The following GLIS3 variants were observed in gnomAD, a reference collection of about 807,000 sequenced individuals.
GLIS3 encodes the protein zinc finger protein GLIS3.
GLIS3 carries 53 observed loss-of-function variants against 78.6 expected under a neutral mutation model. The ratio of observed to expected loss-of-function variants is 0.67; its 90% CI spans 0.54 to 0.85. The LOEUF is 0.85. Ranked by LOEUF, GLIS3 falls within the 40% of genes least tolerant of loss-of-function variation. The probability of loss-of-function intolerance (pLI) is 0.00; values close to 1 mark genes in which losing one functional copy is unlikely to be tolerated. For synonymous variants in GLIS3, 684 were observed against 509.9 expected (o/e 1.34, Z -4.60); for missense variants, 1,703 against 1,231.1 (o/e 1.38, Z -5.74).
chr9:4,234,564 G>A (rs1286855741), intron 2 of GLIS3, among the ~76,000 whole-genome samples: 17 of 152,018 alleles, frequency 1.1e-4, no homozygotes, highest in Admixed American at 8.5e-4. Flanking sequence ...ATGGATCTTC[G>A]TAATAGATAT....
At chr9:4,388,699 T>TC in the GLIS3 span, among the ~76,000 whole-genome samples, 1 of 151,366 alleles carries the variant, frequency 6.6e-6, no homozygotes, top group South Asian at 2.1e-4. Flanking sequence ...AAAATAAAAA[T>TC]AAAGTGGACA....
chr9:3,830,453 T>C (rs1270571616), intron 9 of GLIS3, among the ~76,000 whole-genome samples: 1 of 152,242 alleles, frequency 6.6e-6, no homozygotes, highest in Non-Finnish European at 1.5e-5. Context: ...TCCTTGTGTC[T>C]GTCTCCTCAA....
chr9:3,889,844 C>T (rs148537967), intron 7 of GLIS3, among the ~76,000 whole-genome samples: 2,812 of 152,312 alleles, frequency 0.018, 34 homozygotes, highest in Non-Finnish European at 0.03. Context: ...TGCAAAATCA[C>T]GGGGCAGGCC....
At chr9:4,240,411 C>A (rs573697269) in intron 2 of GLIS3, among the ~76,000 whole-genome samples, 1 of 152,218 alleles carries the variant, frequency 6.6e-6, no homozygotes, top group South Asian at 2.1e-4. Flanking sequence ...TGCTGTGGGA[C>A]CCAGTTCCTA....
chr9:4,347,054 T>C (rs2130594180), intron 2 of GLIS3: 1 of 152,408 alleles, frequency 6.6e-6, no homozygotes, highest in East Asian at 1.9e-4. Flanking sequence ...AGGTAATTTA[T>C]AAGGAAAAGA....
At chr9:4,382,707 T>C in the GLIS3 span, among the ~76,000 whole-genome samples, 1 of 152,204 alleles carries the variant, frequency 6.6e-6, no homozygotes, top group Non-Finnish European at 1.5e-5. Context: ...GTGGGTACTA[T>C]AGGGTCGAGA....
At chr9:3,987,496 G>A (rs1356336697) in intron 4 of GLIS3, among the ~76,000 whole-genome samples, 1 of 151,854 alleles carries the variant, frequency 6.6e-6, no homozygotes, top group African/African-American at 2.4e-5. Flanking sequence ...GAGGTCAGGA[G>A]TTCGAGACCA....
chr9:3,908,812 T>C (rs771410186), intron 6 of GLIS3, among the ~76,000 whole-genome samples: 1 of 147,280 alleles, frequency 6.8e-6, no homozygotes, highest in Non-Finnish European at 1.5e-5. Context: ...ATTTCAGATA[T>C]GACTGAATAA....
intron 6 of GLIS3, among the ~76,000 whole-genome samples, chr9:3,925,851 C>T (rs184469420): frequency 6.6e-6 from 1 of 152,260 alleles, no homozygotes; most frequent in East Asian, 1.9e-4. Flanking sequence ...CAGAAATATG[C>T]CCTCGGAACT....
chr9:4,343,193 T>G (rs1327776807), intron 2 of GLIS3, among the ~76,000 whole-genome samples: 5 of 151,466 alleles, frequency 3.3e-5, no homozygotes, highest in Non-Finnish European at 7.4e-5. Context: ...AATTAAAAAA[T>G]TAGTCAGGCA....
At chr9:4,481,057 T>C in the GLIS3 span, among the ~76,000 whole-genome samples, 1 of 152,182 alleles carries the variant, frequency 6.6e-6, no homozygotes, top group Admixed American at 6.5e-5. Flanking sequence ...GGTTTTTCCA[T>C]GTTGCTCAGT....
At chr9:4,141,853 C>T (rs939261521) in intron 2 of GLIS3, among the ~76,000 whole-genome samples, 1 of 152,184 alleles carries the variant, frequency 6.6e-6, no homozygotes, top group Non-Finnish European at 1.5e-5. Flanking sequence ...GGCAATCTGG[C>T]TGAGGCCTAC....
At chr9:4,380,060 A>G in the GLIS3 span, among the ~76,000 whole-genome samples, 1 of 152,162 alleles carries the variant, frequency 6.6e-6, no homozygotes, top group African/African-American at 2.4e-5. Flanking sequence ...TCTCATTTTC[A>G]CTATCTGTAG....
the GLIS3 span, among the ~76,000 whole-genome samples, chr9:4,366,957 C>A: frequency 6.7e-6 from 1 of 149,346 alleles, no homozygotes; most frequent in African/African-American, 2.4e-5. Flanking sequence ...CTGCCACTTT[C>A]CAGCAGAAAG....
intron 2 of GLIS3, among the ~76,000 whole-genome samples, chr9:4,267,646 T>G (rs531791257): frequency 2.1e-4 from 32 of 152,324 alleles, no homozygotes; most frequent in East Asian, 1.9e-4. Context: ...AAATCAGGTT[T>G]CCTCACTAGC....
chr9:4,416,252 TAAAAAAA>T, the GLIS3 span, among the ~76,000 whole-genome samples: 33 of 75,804 alleles, frequency 4.4e-4, no homozygotes, highest in African/African-American at 1.7e-3. Flanking sequence ...ACACTGTTTT[TAAAAAAA>T]AAAAAAAAAA....
chr9:4,053,879 A>C (rs1005783401), intron 4 of GLIS3, among the ~76,000 whole-genome samples: 2 of 152,096 alleles, frequency 1.3e-5, no homozygotes, highest in Admixed American at 1.3e-4. Flanking sequence ...AGACCATCAA[A>C]CACGGCAATC....
At chr9:4,016,125 G>A (rs902375478) in intron 4 of GLIS3, among the ~76,000 whole-genome samples, 1 of 152,074 alleles carries the variant, frequency 6.6e-6, no homozygotes, top group Non-Finnish European at 1.5e-5. Flanking sequence ...TCCAAAATGG[G>A]TCATGTTTTC....
At chr9:4,420,524 G>A in the GLIS3 span, among the ~76,000 whole-genome samples, 2 of 152,264 alleles carry the variant, frequency 1.3e-5, no homozygotes, top group South Asian at 2.1e-4. Flanking sequence ...CAATAAACTC[G>A]GGGGTAAGGC....
Sources: allele counts gnomAD v4.1 joint callset (sites outside exome capture counted in the v4.1 genomes callset), GRCh38; gene constraint gnomAD v4.1.1; transcripts MANE v1.5; gene names NCBI Gene and HGNC (gene_info 2026-07-23, HGNC 2026-07-21).